Variants in TRAK1 observed in about 807,000 individuals in gnomAD.
TRAK1 encodes trafficking kinesin protein 1, also known as trafficking kinesin-binding protein 1.
A neutral mutation model predicts 92.1 loss-of-function variants in TRAK1; 33 were observed. That is an observed-to-expected ratio of 0.36 (90% confidence interval 0.27 to 0.48). TRAK1 has a LOEUF of 0.48. TRAK1 is among the 20% of genes least tolerant of loss of function. TRAK1 has a pLI of 0.99. For missense variants in TRAK1, 1,123 were observed against 1,257.9 expected (o/e 0.89, Z 1.62); for synonymous variants, 521 against 517.3 (o/e 1.01, Z -0.10).
intron 1 of TRAK1, among the ~76,000 whole-genome samples, chr3:42,110,635 G>A (rs1342826470): frequency 6.6e-6 from 1 of 152,198 alleles, no homozygotes; most frequent in Non-Finnish European, 1.5e-5. Flanking sequence ...TAGGTGGGGT[G>A]TGAGCTTTGC....
intron 2 of TRAK1, among the ~76,000 whole-genome samples, chr3:42,132,727 G>A (rs1697378248): frequency 6.6e-6 from 1 of 151,958 alleles, no homozygotes; most frequent in Admixed American, 6.6e-5. Context: ...CTAAATGTTG[G>A]CGTGCCCAGC....
At chr3:42,115,559 A>T (rs577088833) in intron 1 of TRAK1, among the ~76,000 whole-genome samples, 1 of 152,180 alleles carries the variant, frequency 6.6e-6, no homozygotes, top group East Asian at 1.9e-4. Flanking sequence ...GCTATGTGGA[A>T]CTCAACTGTG....
chr3:42,208,818 A>T (rs1708633982), intron 13 of TRAK1, among the ~76,000 whole-genome samples: 1 of 152,186 alleles, frequency 6.6e-6, no homozygotes, highest in African/African-American at 2.4e-5. Context: ...GTGTCATGTG[A>T]GGTGTTAATA....
chr3:42,041,399 T>C lies in TRAK1; in HGVS notation c.-519+27282T>C, dbSNP rs574206887. 3.3e-5 allele frequency among the ~76,000 whole-genome samples: 5 copies of C among 152,306 alleles called. No homozygotes were observed. In the South Asian group the frequency reaches 8.3e-4, roughly 25 times the overall value. On this transcript the variant is annotated intron_variant, in intron 1 of 16. Coordinates refer to the TRAK1 transcript ENST00000487159. ...ATTATAAATGGAATAATTTTCTTAA[T>C]TTCATTTTTGGAATGTTTATTGCTA...
chr3:42,213,054 A>ATTTTTTTT (rs34073573), intron 14 of TRAK1, among the ~76,000 whole-genome samples: 8 of 113,070 alleles, frequency 7.1e-5, no homozygotes, highest in South Asian at 3.0e-4. Context: ...TGGAGCTGAG[A>ATTTTTTTT]TTTTTTTTTT....
At chr3:42,187,421 C>T (rs1044802557) in intron 4 of TRAK1, among the ~76,000 whole-genome samples, 2 of 152,226 alleles carry the variant, frequency 1.3e-5, no homozygotes, top group African/African-American at 2.4e-5. Flanking sequence ...AGCTGATCAT[C>T]TGGCTATTTC....
At chr3:42,038,712 C>T (rs529065590) in intron 1 of TRAK1, among the ~76,000 whole-genome samples, 3 of 146,382 alleles carry the variant, frequency 2.0e-5, no homozygotes, top group Admixed American at 6.9e-5. Flanking sequence ...TGCTTGAATC[C>T]GGGAGGCAGA....
chr3:42,043,624 G>GA (rs945155694), intron 1 of TRAK1, among the ~76,000 whole-genome samples: 2 of 151,480 alleles, frequency 1.3e-5, no homozygotes, highest in African/African-American at 4.9e-5. Context: ...CTGGGGGGGG[G>GA]GCGGGGGGAG....
intron 11 of TRAK1, among the ~76,000 whole-genome samples, chr3:42,199,796 C>T (rs568182020): frequency 6.6e-6 from 1 of 152,232 alleles, no homozygotes; most frequent in Non-Finnish European, 1.5e-5. Flanking sequence ...GTTTTAAAGA[C>T]AAATTGTGAA....
intron 1 of TRAK1, among the ~76,000 whole-genome samples, chr3:42,067,421 A>G (rs1013580641): frequency 2.6e-5 from 4 of 152,236 alleles, no homozygotes; most frequent in Non-Finnish European, 5.9e-5. Flanking sequence ...AAGTCAAAAT[A>G]TAGTGACAGA....
chr3:42,121,532 TA>T (rs1339799568), intron 1 of TRAK1, among the ~76,000 whole-genome samples: 1 of 152,194 alleles, frequency 6.6e-6, no homozygotes, highest in African/African-American at 2.4e-5. Context: ...GTGCTGGGAT[TA>T]CAGGCGTGAG....
intron 1 of TRAK1, among the ~76,000 whole-genome samples, chr3:42,104,695 G>A (rs201605991): frequency 2.0e-5 from 3 of 152,158 alleles, no homozygotes; most frequent in Non-Finnish European, 4.4e-5. Context: ...CCATCTGTAC[G>A]TCACCATCAT....
At chr3:42,022,671 A>T (rs1701761749) in intron 1 of TRAK1, among the ~76,000 whole-genome samples, 1 of 151,332 alleles carries the variant, frequency 6.6e-6, no homozygotes, top group Admixed American at 6.6e-5. Context: ...GCAGTGAGCC[A>T]TGATTACACC....
At chr3:42,081,330 G>T (rs1159362230) in intron 1 of TRAK1, among the ~76,000 whole-genome samples, 2 of 152,204 alleles carry the variant, frequency 1.3e-5, no homozygotes, top group African/African-American at 4.8e-5. Context: ...AGTCCTCAAG[G>T]TTAGCAGTGT....
intron 2 of TRAK1, among the ~76,000 whole-genome samples, chr3:42,161,941 C>T (rs1462795704): frequency 3.9e-5 from 6 of 152,192 alleles, no homozygotes; most frequent in African/African-American, 1.4e-4. Context: ...GCTGGATTAG[C>T]TTCCTGCCCC....
At chr3:42,123,855 A>T (rs982692835) in intron 1 of TRAK1, among the ~76,000 whole-genome samples, 5 of 152,104 alleles carry the variant, frequency 3.3e-5, no homozygotes, top group Non-Finnish European at 7.4e-5. Context: ...ATAAGAATTG[A>T]CTTCAGGCCC....
chr3:42,024,166 G>A (rs1701833909), intron 1 of TRAK1, among the ~76,000 whole-genome samples: 1 of 152,174 alleles, frequency 6.6e-6, no homozygotes, highest in African/African-American at 2.4e-5. Flanking sequence ...CCTGTGTAGT[G>A]ATATCCATGT....
At chr3:42,016,241 G>C (rs534734129) in intron 1 of TRAK1, among the ~76,000 whole-genome samples, 4 of 151,142 alleles carry the variant, frequency 2.6e-5, no homozygotes, top group Non-Finnish European at 4.4e-5. Context: ...GTGTCGCTCT[G>C]TCATCGAGGC....
Position 42,202,473 on chromosome 3 carries a change from AC to A in TRAK1, c.1469del (p.Pro490GlnfsTer10). ...ERSKKPGTPG[T>X]PGSHDLETAL... ...GAGTAAGAAGCCGGGGACGCCGGGC[AC>A]CCCAGGCTCCCACGACCTGGAGACG... On this transcript the variant is annotated frameshift_variant, in exon 13 of 16. Transcript: ENST00000327628. LOFTEE classifies it high-confidence loss of function. The surrounding 1 kb of genome is among the most constrained non-coding windows in gnomAD (Gnocchi z 6.1). The A allele has an allele frequency of 6.7e-7, 1 of 1,487,076 alleles. No individual in the cohort carries two copies. The highest frequency in any genetic ancestry group is 9.0e-7 in the Non-Finnish European group (1 of 1,114,900). The allele number at this position is 1,487,076 out of a possible 1,614,324, so 92.1% of individuals were successfully genotyped here. A position where few individuals can be genotyped will look rare whatever the true frequency, so the allele number is the denominator to read the frequency against.
Sources: allele counts gnomAD v4.1 joint callset (sites outside exome capture counted in the v4.1 genomes callset), GRCh38; gene constraint gnomAD v4.1.1; non-coding constraint Gnocchi (gnomAD v3.1); transcripts MANE v1.5; gene names NCBI Gene and HGNC (gene_info 2026-07-23, HGNC 2026-07-21).